Variants in CEP112 observed in about 807,000 individuals in gnomAD.
CEP112 encodes centrosomal protein of 112 kDa.
Under a neutral mutation model 153.0 loss-of-function variants are expected in CEP112, and 127 were observed. The ratio of observed to expected loss-of-function variants is 0.83; its 90% CI spans 0.72 to 0.96. The LOEUF (loss-of-function observed/expected upper bound fraction) is 0.96, where lower values mean the gene tolerates loss of function less well. Among genes scored for constraint, CEP112 ranks in the 40% least tolerant of loss-of-function variants. CEP112 has a pLI of 0.00. For missense variants in CEP112, 1,089 were observed against 1,101.2 expected (o/e 0.99, Z 0.16); for synonymous variants, 358 against 374.4 (o/e 0.96, Z 0.51).
intron 24 of CEP112, among the ~76,000 whole-genome samples, chr17:65,664,688 AAG>A (rs1328810875): frequency 6.6e-6 from 1 of 152,350 alleles, no homozygotes; most frequent in Non-Finnish European, 1.5e-5. Flanking sequence ...AATGAATGCC[AAG>A]GTTTCCAGCA....
chr17:66,089,184 A>G (rs1019115855), intron 8 of CEP112, among the ~76,000 whole-genome samples: 10 of 152,172 alleles, frequency 6.6e-5, no homozygotes, highest in South Asian at 2.1e-4. Flanking sequence ...GATAGGCTCA[A>G]TGATGACTGG....
chr17:65,691,738 G>A lies in CEP112; in HGVS notation c.2608-2520C>T, dbSNP rs181954005. ...TACTTTCATAGCTACCAACAAATAG[G>A]ATCTTATCAGCTTCTTTTATTGCAT... On this transcript the variant is annotated intron_variant, in intron 23 of 26. Transcript: ENST00000535342. 9.7e-4 allele frequency among the ~76,000 whole-genome samples: 148 copies of A among 152,224 alleles called. 1 individual carries two copies. Among genetic ancestry groups the A allele is most frequent in the Non-Finnish European group, 1.6e-3 (107 of 68,006 alleles).
intron 21 of CEP112, among the ~76,000 whole-genome samples, chr17:65,795,913 CCT>C (rs1238584275): frequency 6.6e-6 from 1 of 152,108 alleles, no homozygotes; most frequent in Non-Finnish European, 1.5e-5. Flanking sequence ...GGCCCAACCC[CCT>C]GAGTAAGGCA....
chr17:65,883,340 G>C (rs1186618045), intron 20 of CEP112, among the ~76,000 whole-genome samples: 2 of 151,232 alleles, frequency 1.3e-5, no homozygotes, highest in African/African-American at 2.4e-5. Context: ...TATATATGAT[G>C]TATATGTGTG....
intron 21 of CEP112, among the ~76,000 whole-genome samples, chr17:65,783,969 G>T (rs1412628402): frequency 6.6e-6 from 1 of 152,174 alleles, no homozygotes; most frequent in Non-Finnish European, 1.5e-5. Flanking sequence ...TAACTTTCCT[G>T]GGTATTATTT....
At chr17:65,821,461 A>T (rs1338409699) in intron 21 of CEP112, among the ~76,000 whole-genome samples, 1 of 143,520 alleles carries the variant, frequency 7.0e-6, no homozygotes, top group East Asian at 2.0e-4. Context: ...TCCAATACTT[A>T]AAAAATTATC....
intron 17 of CEP112, among the ~76,000 whole-genome samples, chr17:65,976,189 G>C (rs2063027502): frequency 6.6e-6 from 1 of 152,230 alleles, no homozygotes; most frequent in African/African-American, 2.4e-5. Context: ...ACAGGCTCTA[G>C]TGGGCGGCTC....
intron 17 of CEP112, among the ~76,000 whole-genome samples, chr17:65,972,528 T>C (rs2062879817): frequency 6.6e-6 from 1 of 151,876 alleles, no homozygotes; most frequent in Non-Finnish European, 1.5e-5. Context: ...ATAATAAAAA[T>C]CAAAACAGAG....
At chr17:65,774,099 A>T (rs967028672) in intron 21 of CEP112, among the ~76,000 whole-genome samples, 1 of 151,678 alleles carries the variant, frequency 6.6e-6, no homozygotes, top group Non-Finnish European at 1.5e-5. Context: ...AAAAAAAAAA[A>T]AAGTCCATTT....
chr17:65,751,415 G>A (rs1005554168), intron 21 of CEP112, among the ~76,000 whole-genome samples: 2 of 152,006 alleles, frequency 1.3e-5, no homozygotes, highest in Non-Finnish European at 2.9e-5. Context: ...TTATTTCATC[G>A]TCAAGGTTTA....
At chr17:65,679,576 T>C (rs1171904291) in intron 24 of CEP112, among the ~76,000 whole-genome samples, 2 of 152,182 alleles carry the variant, frequency 1.3e-5, no homozygotes, top group Non-Finnish European at 2.9e-5. Flanking sequence ...AAAATGAAAA[T>C]TAAAGGCTTG....
rs1205130301 is a variant in CEP112 at position 65,664,466 on chromosome 17, T to C, written c.2698-23401A>G. On this transcript the variant is annotated intron_variant, in intron 24 of 26. Transcript: ENST00000535342. The stretch of plus-strand genomic sequence containing the variant: ...TTTTCTGAGCAGGGGAATAACATGA[T>C]GACAATGGTATTTTAGGAAGATTGC... Among the ~76,000 whole-genome samples, 4 of 152,334 alleles carry C rather than the reference T, an allele frequency of 2.6e-5. No homozygotes were observed. In the East Asian group the frequency reaches 7.7e-4, roughly 29 times the overall value.
intron 21 of CEP112, among the ~76,000 whole-genome samples, chr17:65,830,904 A>C (rs2057048319): frequency 6.6e-6 from 1 of 152,190 alleles, no homozygotes; most frequent in Admixed American, 6.5e-5. Context: ...AGAAGCATTT[A>C]AGTTCTGGAG....
At chr17:65,912,030 A>C (rs35692706) in intron 19 of CEP112, among the ~76,000 whole-genome samples, 26,458 of 152,116 alleles carry the variant, frequency 0.17, 2,486 homozygotes, top group Admixed American at 0.27. Flanking sequence ...GTCTCTCTTA[A>C]AACAAACGGG....
At chr17:65,912,730 T>G (rs1172321557) in intron 19 of CEP112, among the ~76,000 whole-genome samples, 2 of 152,184 alleles carry the variant, frequency 1.3e-5, no homozygotes, top group Non-Finnish European at 2.9e-5. Flanking sequence ...CATTGTAAAC[T>G]GTATCCAAAA....
intron 17 of CEP112, among the ~76,000 whole-genome samples, chr17:65,962,603 T>A (rs540112398): frequency 6.6e-6 from 1 of 152,350 alleles, no homozygotes; most frequent in Admixed American, 6.5e-5. Flanking sequence ...TTTTATATGG[T>A]TTGGCTCTGT....
At chr17:65,642,246 C>T (rs1399719913) in intron 24 of CEP112, among the ~76,000 whole-genome samples, 1 of 152,146 alleles carries the variant, frequency 6.6e-6, no homozygotes, top group Non-Finnish European at 1.5e-5. Flanking sequence ...CTTAACCAAA[C>T]ATTAAAGCTG....
intron 18 of CEP112, among the ~76,000 whole-genome samples, chr17:65,958,739 C>T (rs765006253): frequency 2.6e-5 from 4 of 152,162 alleles, no homozygotes; most frequent in Non-Finnish European, 5.9e-5. Flanking sequence ...AGACAGACTC[C>T]TGCTCATAAG....
chr17:66,023,456 T>G (rs1453720601), intron 16 of CEP112, among the ~76,000 whole-genome samples: 1 of 152,170 alleles, frequency 6.6e-6, no homozygotes, highest in Non-Finnish European at 1.5e-5. Flanking sequence ...ACAAATTTTA[T>G]ATCCTGACAT....
Sources: gnomAD v4.1 joint callset for allele counts (sites outside exome capture counted in the v4.1 genomes callset) on GRCh38, gnomAD v4.1.1 for gene constraint, MANE v1.5 for transcripts, NCBI Gene and HGNC (gene_info 2026-07-23, HGNC 2026-07-21) for gene names.